SPAG17: variants seen among roughly 807,000 people sequenced by gnomAD.
The protein encoded by SPAG17 is sperm-associated antigen 17.
Under a neutral mutation model 273.6 loss-of-function variants are expected in SPAG17, and 169 were observed. That is an observed-to-expected ratio of 0.62 (90% CI 0.55 to 0.70). The LOEUF (loss-of-function observed/expected upper bound fraction) is 0.70. Among genes scored for constraint, SPAG17 ranks in the 30% least tolerant of loss-of-function variants. The pLI, the probability that SPAG17 is intolerant of heterozygous loss-of-function variation, is 0.00. For synonymous variants in SPAG17, 825 were observed against 873.2 expected, an observed-to-expected ratio of 0.94 and a Z score of 0.97; for missense variants, 2,557 against 2,627.8, an observed-to-expected ratio of 0.97 and a Z score of 0.59.
chr1:118,028,176 C>G, intron 26 of SPAG17, 98 bp downstream of exon 26: 1 of 1,374,602 alleles, frequency 7.3e-7, no homozygotes, highest in Admixed American at 2.2e-5. Context: ...TCATTATCAA[C>G]AAGATGTATG....
chr1:118,131,657 G>A (rs933422564), intron 3 of SPAG17, among the ~76,000 whole-genome samples: 16 of 152,100 alleles, frequency 1.1e-4, no homozygotes, highest in Admixed American at 6.5e-4. Context: ...CATGTTTTAT[G>A]CTGTTTAACT....
chr1:117,972,235 A>C (rs1654642328), intron 44 of SPAG17, among the ~76,000 whole-genome samples, 188 bp from the exon 45 acceptor site: 1 of 152,220 alleles, frequency 6.6e-6, no homozygotes, highest in Non-Finnish European at 1.5e-5. Flanking sequence ...AGGATAAGGA[A>C]GTCAAGTTCA....
chr1:117,963,591 C>G, intron 48 of SPAG17: 1 of 353,602 alleles, frequency 2.8e-6, no homozygotes, highest in Non-Finnish European at 5.3e-6. Flanking sequence ...GTCTCGATCT[C>G]CTGACCTTGT....
At chr1:117,955,535 G>A (rs765479249) in intron 48 of SPAG17, among the ~76,000 whole-genome samples, 7 of 152,128 alleles carry the variant, frequency 4.6e-5, no homozygotes, top group Non-Finnish European at 8.8e-5. Flanking sequence ...GAACTAGGAA[G>A]TTCCTTCTAA....
chr1:118,113,926 G>A (rs1199783360), intron 4 of SPAG17, among the ~76,000 whole-genome samples: 1 of 152,062 alleles, frequency 6.6e-6, no homozygotes, highest in East Asian at 1.9e-4. Flanking sequence ...GAAATCTACA[G>A]TCTACTCCTA....
intron 46 of SPAG17, among the ~76,000 whole-genome samples, chr1:117,967,428 G>T (rs917352150): frequency 6.6e-6 from 1 of 151,774 alleles, no homozygotes; most frequent in Admixed American, 6.6e-5. Flanking sequence ...GTATTGTCTT[G>T]GGCCACACAC....
rs541953357 is a variant in SPAG17, at chr1:117,966,628, C to T, written c.6513G>A (p.Leu2171=). 1 of 1,612,374 alleles carries T rather than the reference C, an allele frequency of 6.2e-7. No individual in the cohort carries two copies. The highest frequency in any genetic ancestry group is 2.2e-5 in the East Asian group (1 of 44,806). The stretch of plus-strand genomic sequence containing the variant: ...GGATATTTGCTTCCACAGGTAGGAA[C>T]AGAACCTCATGCTCTGTCATAATCT... The part of the protein sequence containing the change: ...NIEIMTEHEV[L]FLPVEATVLT... Residue 2171 remains leucine, a synonymous_variant, in exon 47 of 49, where the codon CTG becomes CTA. Transcript: ENST00000336338.
rs1361620703 is a variant in SPAG17 at position 118,109,971 on chromosome 1, A to G, written c.447+5339T>C. Among the ~76,000 whole-genome samples the G allele has an allele frequency of 3.3e-5, 5 of 152,200 alleles. No individual in the cohort carries two copies. The East Asian group carries it at 9.6e-4, about 29-fold the overall frequency. ...CTAATACACAGTGATTTCCATGCTC[A>G]TTTGACCAGGAGCCATTTTTTCTTT... is the stretch of plus-strand genomic sequence containing the variant. On this transcript the variant is annotated intron_variant, in intron 4 of 48. Coordinates refer to ENST00000336338, the MANE Select transcript of SPAG17 (RefSeq NM_206996.4).
At chr1:118,121,908 T>G (rs745795904) in intron 3 of SPAG17, among the ~76,000 whole-genome samples, 7 of 152,232 alleles carry the variant, frequency 4.6e-5, no homozygotes, top group Non-Finnish European at 7.3e-5. Context: ...AGAATACTGA[T>G]GACTATTTAC....
intron 18 of SPAG17, among the ~76,000 whole-genome samples, chr1:118,062,534 A>G (rs1333879806): frequency 2.0e-5 from 3 of 152,034 alleles, no homozygotes; most frequent in African/African-American, 7.2e-5. Context: ...AATAAAGAGG[A>G]ACATGCCTAA....
chr1:118,096,985 A>C (rs1453453580), intron 7 of SPAG17, among the ~76,000 whole-genome samples: 3 of 152,200 alleles, frequency 2.0e-5, no homozygotes, highest in Non-Finnish European at 4.4e-5. Context: ...CTGTAATCCT[A>C]GCACTTCGGG....
Position 118,108,428 on chromosome 1 carries a change from C to T in SPAG17, c.448-6502G>A, listed in dbSNP as rs530470495. On this transcript the variant is annotated intron_variant, in intron 4 of 48. Coordinates refer to ENST00000336338, the MANE Select transcript of SPAG17 (RefSeq NM_206996.4). ...ATCTGGGAGTGGGAATGGAGTTAACCAGATCAGGCGCATTCAGCAAAGCTG... is the reference window on the plus strand; with the variant it reads ...ATCTGGGAGTGGGAATGGAGTTAACTAGATCAGGCGCATTCAGCAAAGCTG... 2.6e-5 allele frequency among the ~76,000 whole-genome samples: 4 copies of T among 152,204 alleles called. No homozygotes were observed. In the South Asian group the frequency reaches 8.3e-4, roughly 32 times the overall value.
At chr1:118,124,784 G>A (rs553672365) in intron 3 of SPAG17, among the ~76,000 whole-genome samples, 21 of 152,260 alleles carry the variant, frequency 1.4e-4, no homozygotes, top group Admixed American at 9.8e-4. Context: ...TCACACAGCC[G>A]GTAATTAGTA....
At chr1:118,062,970 G>A (rs1652510438) in intron 18 of SPAG17, among the ~76,000 whole-genome samples, 1 of 152,154 alleles carries the variant, frequency 6.6e-6, no homozygotes, top group African/African-American at 2.4e-5. Context: ...TGTTTAAAAT[G>A]AAAACTCACA....
At chr1:118,003,244 G>C (rs1443638007) in intron 32 of SPAG17, among the ~76,000 whole-genome samples, 2 of 152,112 alleles carry the variant, frequency 1.3e-5, no homozygotes, top group African/African-American at 4.8e-5. Flanking sequence ...CTTTCTCTCT[G>C]GCTGCCATTA....
At chr1:118,143,339 TCAA>T (rs1185185270) in intron 3 of SPAG17, among the ~76,000 whole-genome samples, 3 of 152,194 alleles carry the variant, frequency 2.0e-5, no homozygotes, top group African/African-American at 7.2e-5. Context: ...GACTTCTGAA[TCAA>T]CAAGTTACCT....
At chr1:118,022,807 T>C (rs1647264723) in intron 28 of SPAG17, among the ~76,000 whole-genome samples, 1 of 152,206 alleles carries the variant, frequency 6.6e-6, no homozygotes, top group Non-Finnish European at 1.5e-5. Context: ...AAGACAGGTC[T>C]GCTGGGGTGA....
chr1:118,034,082 T>C (rs965346402), intron 24 of SPAG17, among the ~76,000 whole-genome samples: 1 of 152,168 alleles, frequency 6.6e-6, no homozygotes, highest in Non-Finnish European at 1.5e-5. Flanking sequence ...GTGAATGGCG[T>C]TCAGTTTCAG....
chr1:118,015,856 C>T, intron 29 of SPAG17, 109 bp downstream of exon 29: 3 of 974,324 alleles, frequency 3.1e-6, no homozygotes, highest in Non-Finnish European at 4.6e-6. Context: ...CCATCCACTA[C>T]TTAACAGACA....
Sources: allele counts gnomAD v4.1 joint callset (sites outside exome capture counted in the v4.1 genomes callset), GRCh38; gene constraint gnomAD v4.1.1; transcripts MANE v1.5; gene names NCBI Gene and HGNC (gene_info 2026-07-23, HGNC 2026-07-21).